Variants in RUNDC3B observed in about 807,000 individuals in gnomAD.
The protein encoded by RUNDC3B is RUN domain containing 3B.
In RUNDC3B, 33 loss-of-function variants were observed where a neutral mutation model predicts 58.4. The observed-to-expected ratio is 0.56, with a 90% confidence interval of 0.43 to 0.75. The LOEUF is 0.75. RUNDC3B is among the 30% of genes least tolerant of loss of function. The probability of loss-of-function intolerance (pLI) is 0.00; values close to 1 mark genes in which losing one functional copy is unlikely to be tolerated. For synonymous variants in RUNDC3B, 193 were observed against 195.2 expected (o/e 0.99, Z 0.10); for missense variants, 501 against 535.7 (o/e 0.94, Z 0.64).
chr7:87,715,217 T>C (rs1830449446), intron 4 of RUNDC3B, among the ~76,000 whole-genome samples: 1 of 138,020 alleles, frequency 7.2e-6, no homozygotes, highest in Admixed American at 8.1e-5. Flanking sequence ...AAATATATAA[T>C]ATTTAATATA....
In RUNDC3B at chr7:87,792,635, G is replaced by T. The variant is rs149035707; in HGVS notation, c.956+14680G>T. Reference sequence around the variant, plus strand: ...AGTGGGTCAGGAAGTAATTAAGAAGGAAATGAAAAAGTTTATTGAAACAAA... The same window carrying T: ...AGTGGGTCAGGAAGTAATTAAGAAGTAAATGAAAAAGTTTATTGAAACAAA... On this transcript the variant is annotated intron_variant, in intron 8 of 10. Coordinates refer to ENST00000394654, the MANE Select transcript of RUNDC3B (RefSeq NM_001134405.2). Among the ~76,000 whole-genome samples the T allele has an allele frequency of 1.5e-3, 222 of 152,122 alleles. 1 individual carries two copies. The highest frequency in any genetic ancestry group is 2.8e-3 in the Non-Finnish European group (190 of 67,902).
intron 2 of RUNDC3B, among the ~76,000 whole-genome samples, chr7:87,652,268 A>G (rs1319959983): frequency 3.9e-5 from 6 of 152,074 alleles, no homozygotes; most frequent in African/African-American, 1.4e-4. Flanking sequence ...ATAGAAAACT[A>G]TCAATAGCAA....
intron 8 of RUNDC3B, among the ~76,000 whole-genome samples, chr7:87,806,930 A>T (rs1179921354): frequency 6.6e-6 from 1 of 151,566 alleles, no homozygotes; most frequent in African/African-American, 2.4e-5. Context: ...TTTTCATTTT[A>T]ATCACTTTTC....
chr7:87,703,325 G>C (rs867396718), intron 3 of RUNDC3B, among the ~76,000 whole-genome samples: 8 of 151,794 alleles, frequency 5.3e-5, no homozygotes, highest in East Asian at 1.9e-4. Context: ...TATTTTGTAA[G>C]CACGAACTGA....
intron 6 of RUNDC3B, among the ~76,000 whole-genome samples, chr7:87,754,087 T>A (rs1160630926): frequency 6.6e-6 from 1 of 151,520 alleles, no homozygotes; most frequent in Non-Finnish European, 1.5e-5. Context: ...TGAAAAGGGC[T>A]TTGTGCAGTA....
chr7:87,736,750 G>A (rs2130803585), intron 4 of RUNDC3B, among the ~76,000 whole-genome samples: 1 of 145,576 alleles, frequency 6.9e-6, no homozygotes, highest in Non-Finnish European at 1.5e-5. Flanking sequence ...AACTTAAGCA[G>A]TACAATGTTT....
At chr7:87,694,418 A>T (rs11983274) in intron 2 of RUNDC3B, among the ~76,000 whole-genome samples, 1 of 152,168 alleles carries the variant, frequency 6.6e-6, no homozygotes, top group African/African-American at 2.4e-5. Context: ...AGTTTCTGCT[A>T]TATGCAAAAC....
At chr7:87,801,839 A>G (rs1836176202) in intron 8 of RUNDC3B, among the ~76,000 whole-genome samples, 1 of 152,220 alleles carries the variant, frequency 6.6e-6, no homozygotes, top group African/African-American at 2.4e-5. Flanking sequence ...TGATGGCTCA[A>G]AGTCATGTGA....
intron 10 of RUNDC3B, among the ~76,000 whole-genome samples, chr7:87,817,672 T>A (rs1837137138): frequency 6.6e-6 from 1 of 152,146 alleles, no homozygotes; most frequent in Non-Finnish European, 1.5e-5. Flanking sequence ...ACTGCCATAC[T>A]GTAAATAGCC....
chr7:87,730,430 G>T (rs2130792556), intron 4 of RUNDC3B, among the ~76,000 whole-genome samples: 1 of 151,948 alleles, frequency 6.6e-6, no homozygotes, highest in African/African-American at 2.4e-5. Flanking sequence ...GGCAGTAATT[G>T]CCACAGACCT....
intron 1 of RUNDC3B, among the ~76,000 whole-genome samples, chr7:87,645,027 G>T (rs558486397): frequency 1.3e-5 from 2 of 151,470 alleles, no homozygotes; most frequent in Admixed American, 6.6e-5. Context: ...AAGGGAAAAA[G>T]GTAGTCCATG....
intron 2 of RUNDC3B, among the ~76,000 whole-genome samples, chr7:87,661,348 G>C (rs913888506): frequency 2.0e-5 from 3 of 151,436 alleles, no homozygotes; most frequent in Non-Finnish European, 2.9e-5. Flanking sequence ...TCAAATACTA[G>C]ATCTTATTAG....
chr7:87,796,064 T>A (rs914442557), intron 8 of RUNDC3B, among the ~76,000 whole-genome samples: 7 of 152,192 alleles, frequency 4.6e-5, no homozygotes, highest in Non-Finnish European at 7.3e-5. Flanking sequence ...TAAGTGCCCA[T>A]ACACAGATGA....
chr7:87,814,428 C>A (rs937497422), intron 9 of RUNDC3B, among the ~76,000 whole-genome samples: 9 of 152,100 alleles, frequency 5.9e-5, no homozygotes, highest in Non-Finnish European at 1.0e-4. Context: ...AAATAGGAAG[C>A]CAAATCTTTT....
chr7:87,811,354 T>A (rs79587991), intron 9 of RUNDC3B, among the ~76,000 whole-genome samples: 6 of 151,766 alleles, frequency 4.0e-5, no homozygotes, highest in Non-Finnish European at 8.8e-5. Flanking sequence ...TTTTTTTTTT[T>A]AATGGAGTCT....
chr7:87,749,859 CT>C (rs35378698), intron 6 of RUNDC3B, among the ~76,000 whole-genome samples: 164 of 150,478 alleles, frequency 1.1e-3, no homozygotes, highest in Middle Eastern at 6.8e-3. Context: ...TATTTTCTTT[CT>C]TTTTTTTTAA....
At chr7:87,744,446 A>T (rs1033507835) in intron 6 of RUNDC3B, among the ~76,000 whole-genome samples, 1 of 152,166 alleles carries the variant, frequency 6.6e-6, no homozygotes, top group Non-Finnish European at 1.5e-5. Context: ...ATCCATGAGC[A>T]TGGGATGTGT....
intron 6 of RUNDC3B, among the ~76,000 whole-genome samples, chr7:87,743,523 G>A (rs1232446902): frequency 6.6e-6 from 1 of 152,116 alleles, no homozygotes; most frequent in South Asian, 2.1e-4. Context: ...GCAGGAGTAA[G>A]GTGGTATCAC....
intron 2 of RUNDC3B, among the ~76,000 whole-genome samples, chr7:87,667,170 G>T (rs1825340626): frequency 6.6e-6 from 1 of 152,024 alleles, no homozygotes; most frequent in Non-Finnish European, 1.5e-5. Flanking sequence ...TTTGAGCAGG[G>T]TTTTGTAATT....
Sources: allele counts gnomAD v4.1 joint callset (sites outside exome capture counted in the v4.1 genomes callset), GRCh38; gene constraint gnomAD v4.1.1; transcripts MANE v1.5; gene names NCBI Gene and HGNC (gene_info 2026-07-23, HGNC 2026-07-21).